Variants in JAM2 observed in about 807,000 individuals in gnomAD.
JAM2 encodes junctional adhesion molecule 2.
Under a neutral mutation model 42.0 loss-of-function variants are expected in JAM2, and 17 were observed. The ratio of observed to expected loss-of-function variants is 0.40; its 90% CI spans 0.28 to 0.61. The LOEUF (loss-of-function observed/expected upper bound fraction) is 0.61, where lower values mean the gene tolerates loss of function less well. JAM2 is among the 20% of genes least tolerant of loss of function. The pLI, the probability that JAM2 is intolerant of heterozygous loss-of-function variation, is 0.37. For missense variants in JAM2, 319 were observed against 358.3 expected, an observed-to-expected ratio of 0.89 and a Z score of 0.89; for synonymous variants, 118 against 128.6, an observed-to-expected ratio of 0.92 and a Z score of 0.56.
At chr21:25,672,295 C>T (rs2033380462) in intron 1 of JAM2, among the ~76,000 whole-genome samples, 1 of 151,982 alleles carries the variant, frequency 6.6e-6, no homozygotes, top group South Asian at 2.1e-4. Context: ...TTTCTCTATC[C>T]CTGACCCAAA....
chr21:25,715,947 AC>A lies in JAM2; in HGVS notation c.*1277del, dbSNP rs1358585645. ...AATGTGGATGAAAAGGTCACTTGCT[AC>A]CTTTGACAACTATGAACATGATGGT... is the stretch of plus-strand genomic sequence containing the variant. On this transcript the variant is annotated 3_prime_UTR_variant, in exon 10 of 10. Coordinates refer to ENST00000480456, the MANE Select transcript of JAM2 (RefSeq NM_021219.4). 6.6e-6 allele frequency: 1 copy of A among 150,532 alleles called. No homozygotes were observed. Among genetic ancestry groups the A allele is most frequent in the Non-Finnish European group, 1.5e-5 (1 of 67,760 alleles). 9.3% of individuals were successfully genotyped at this position (150,532 alleles called of 1,614,324 possible).
intron 1 of JAM2, among the ~76,000 whole-genome samples, chr21:25,650,110 C>G (rs2032731126): frequency 6.6e-6 from 1 of 152,102 alleles, no homozygotes; most frequent in Non-Finnish European, 1.5e-5. Context: ...TCTTCATGAC[C>G]CAAACACCTC....
At position 25,698,714 on chromosome 21, in the gene JAM2, T is replaced by G; in HGVS notation, c.432T>G (p.Ser144=). ...TTCCATCATGTGAAGTACCCTCTTC[T>G]GCTCTGAGTGGAACTGTGGTAGAGC... ...PAVPSCEVPS[S]ALSGTVVELR... Residue 144 remains serine, a synonymous_variant, in exon 5 of 10, where the codon TCT becomes TCG. Coordinates refer to ENST00000480456, the MANE Select transcript of JAM2 (RefSeq NM_021219.4). The G allele has an allele frequency of 6.2e-7, 1 of 1,614,166 alleles. No homozygotes were observed. Among genetic ancestry groups the G allele is most frequent in the Non-Finnish European group, 8.5e-7 (1 of 1,180,004 alleles).
intron 1 of JAM2, among the ~76,000 whole-genome samples, chr21:25,677,566 A>C (rs528837201): frequency 6.6e-6 from 1 of 152,342 alleles, no homozygotes; most frequent in South Asian, 2.1e-4. Context: ...TAAATCTTAT[A>C]ATCTCAGAGT....
intron 1 of JAM2, among the ~76,000 whole-genome samples, chr21:25,668,718 T>C (rs1188438480): frequency 6.6e-6 from 1 of 152,222 alleles, no homozygotes; most frequent in African/African-American, 2.4e-5. Context: ...AATGGAAATA[T>C]GTATTTGGGA....
At chr21:25,684,960 C>T (rs1262758589) in intron 2 of JAM2, among the ~76,000 whole-genome samples, 1 of 152,056 alleles carries the variant, frequency 6.6e-6, no homozygotes, top group Non-Finnish European at 1.5e-5. Context: ...ATCTTTTATA[C>T]AATTAATAAT....
intron 1 of JAM2, among the ~76,000 whole-genome samples, chr21:25,665,509 AT>A (rs942666252): frequency 2.0e-5 from 3 of 152,178 alleles, no homozygotes; most frequent in Admixed American, 2.0e-4. Flanking sequence ...ATGTGTGTGC[AT>A]GTATGTACAT....
In JAM2 at chr21:25,714,771, G is replaced by C; in HGVS notation, c.*99G>C. ...GTCCGACATTTGCAAAGAGGTACACGAGGAAATGGAATTGGTATTTCATTT... is the reference window on the plus strand; with the variant it reads ...GTCCGACATTTGCAAAGAGGTACACCAGGAAATGGAATTGGTATTTCATTT... On this transcript the variant is annotated 3_prime_UTR_variant, in exon 10 of 10. Coordinates refer to ENST00000480456, the MANE Select transcript of JAM2 (RefSeq NM_021219.4). 1.4e-6 allele frequency: 1 copy of C among 737,444 alleles called. No individual in the cohort carries two copies. 45.7% of individuals were successfully genotyped at this position (737,444 alleles called of 1,614,324 possible).
chr21:25,698,693 A>G lies in JAM2; in HGVS notation c.411A>G (p.Pro137=), dbSNP rs9982750. 4.4e-3 allele frequency: 7,157 copies of G among 1,613,946 alleles called. 244 individuals are homozygous for G. The African/African-American group carries it at 0.077, about 17-fold the overall frequency. ...TLEVLVAPAV[P]SCEVPSSALS... is the part of the protein sequence containing the mutation. ...ATTGTTCAGTGGCTCCAGCAGTTCC[A>G]TCATGTGAAGTACCCTCTTCTGCTC... Residue 137 remains proline (P), a synonymous_variant, in exon 5 of 10, where the codon CCA becomes CCG. Transcript: ENST00000480456.
intron 4 of JAM2, among the ~76,000 whole-genome samples, chr21:25,696,373 C>T (rs1490245879): frequency 6.6e-6 from 1 of 151,958 alleles, no homozygotes; most frequent in Non-Finnish European, 1.5e-5. Context: ...CAGAGGGAGA[C>T]CGTGGGGAGA....
intron 1 of JAM2, among the ~76,000 whole-genome samples, chr21:25,661,140 T>A (rs568646497): frequency 6.6e-6 from 1 of 152,260 alleles, no homozygotes; most frequent in Non-Finnish European, 1.5e-5. Context: ...TTTCTGATTT[T>A]ACTTAAATCC....
At chr21:25,675,570 GGGAAGGAA>G (rs1205065966) in intron 1 of JAM2, among the ~76,000 whole-genome samples, 4 of 146,614 alleles carry the variant, frequency 2.7e-5, no homozygotes, top group South Asian at 2.2e-4. Flanking sequence ...GAAGGAAGGA[GGGAAGGAA>G]GGAAGGAAGG....
At chr21:25,703,587 GT>G (rs2034211486) in intron 6 of JAM2, among the ~76,000 whole-genome samples, 1 of 152,070 alleles carries the variant, frequency 6.6e-6, no homozygotes, top group Non-Finnish European at 1.5e-5. Flanking sequence ...ATTAGAATAT[GT>G]TAACTGTCCT....
chr21:25,648,027 G>A (rs1267953929), intron 1 of JAM2, among the ~76,000 whole-genome samples: 4 of 152,158 alleles, frequency 2.6e-5, no homozygotes, highest in East Asian at 3.9e-4. Flanking sequence ...CCTAGCCAAC[G>A]TGGTGAAACC....
intron 1 of JAM2, among the ~76,000 whole-genome samples, chr21:25,683,078 C>T (rs1284524779): frequency 6.6e-6 from 1 of 152,154 alleles, no homozygotes; most frequent in South Asian, 2.1e-4. Context: ...AACAGGAATG[C>T]CTGTCCCCTT....
intron 1 of JAM2, among the ~76,000 whole-genome samples, chr21:25,660,425 G>A (rs1415701428): frequency 6.6e-6 from 1 of 151,984 alleles, no homozygotes; most frequent in Non-Finnish European, 1.5e-5. Flanking sequence ...AACAGGAAGG[G>A]GATTACTTCC....
chr21:25,646,268 G>T (rs2032607621), intron 1 of JAM2, among the ~76,000 whole-genome samples: 1 of 152,212 alleles, frequency 6.6e-6, no homozygotes, highest in African/African-American at 2.4e-5. Context: ...AGGAATTTAA[G>T]AAAAATGGCT....
chr21:25,696,654 C>A (rs1442689409), intron 4 of JAM2, among the ~76,000 whole-genome samples: 1 of 152,100 alleles, frequency 6.6e-6, no homozygotes, highest in Non-Finnish European at 1.5e-5. Context: ...GTTGACAAGG[C>A]TGAGTTCTCA....
At chr21:25,672,609 C>T (rs1291825516) in intron 1 of JAM2, among the ~76,000 whole-genome samples, 1 of 152,156 alleles carries the variant, frequency 6.6e-6, no homozygotes, top group Non-Finnish European at 1.5e-5. Flanking sequence ...TAGGTAACTA[C>T]AATTTCAGAT....
Sources: allele counts gnomAD v4.1 joint callset (sites outside exome capture counted in the v4.1 genomes callset), GRCh38; gene constraint gnomAD v4.1.1; transcripts MANE v1.5; gene names NCBI Gene and HGNC (gene_info 2026-07-23, HGNC 2026-07-21).